The following RIPOR2 variants were observed in gnomAD, a reference collection of about 807,000 sequenced individuals.
RIPOR2 encodes RHO family interacting cell polarization regulator 2.
RIPOR2 carries 39 observed loss-of-function variants against 114.5 expected under a neutral mutation model. That is an observed-to-expected ratio of 0.34 (90% confidence interval 0.26 to 0.44). The LOEUF is 0.44. Among genes scored for constraint, RIPOR2 ranks in the 20% least tolerant of loss-of-function variants. RIPOR2 has a pLI of 1.00. For missense variants in RIPOR2, 1,007 were observed against 1,255.1 expected (o/e 0.80, Z 2.99); for synonymous variants, 445 against 484.4 (o/e 0.92, Z 1.07).
rs181812759 is a variant in RIPOR2, at chr6:24,860,940, C to A, written c.715+33G>T. 5.3e-4 allele frequency: 733 copies of A among 1,386,816 alleles called. 2 individuals carry two copies. The Middle Eastern group carries it at 6.2e-3, about 12-fold the overall frequency. The allele number at this position is 1,386,816 out of a possible 1,614,324, so 85.9% of individuals were successfully genotyped here. A position where few individuals can be genotyped will look rare whatever the true frequency, so the allele number is the denominator to read the frequency against. On this transcript the variant is annotated intron_variant, in intron 8 of 21. Coordinates refer to ENST00000643898, the MANE Select transcript of RIPOR2 (RefSeq NM_001286445.3). Reference sequence around the variant, plus strand: ...GGAGCTCTGCACTCTGCAGAGATGGCTCCTTATTCTCTCTAAACAAGGAAA... The same window carrying A: ...GGAGCTCTGCACTCTGCAGAGATGGATCCTTATTCTCTCTAAACAAGGAAA...
intron 15 of RIPOR2, 37 bp from the exon 16 acceptor site, chr6:24,832,428 T>C (rs1299158786): frequency 6.5e-7 from 1 of 1,547,494 alleles, no homozygotes; most frequent in Non-Finnish European, 8.7e-7. Flanking sequence ...TCAATTATGT[T>C]GTTTTCAGTA....
rs370828933 is a variant in RIPOR2, at chr6:24,995,960, A to G, written c.76+45891T>C. Among the ~76,000 whole-genome samples, 441 of 151,528 alleles carry G rather than the reference A, an allele frequency of 2.9e-3. 4 individuals carry two copies. The highest frequency in any genetic ancestry group is 0.018 in the East Asian group (93 of 5,138). On this transcript the variant is annotated intron_variant, in intron 1 of 13. Coordinates refer to the RIPOR2 transcript ENST00000510784. ...TGGGACTACAGGCGCCCACCACCAC[A>G]CCCGGCTAATTTTTTGTATTTTTAG...
At chr6:24,911,660 G>A (rs1197691510) in intron 1 of RIPOR2, among the ~76,000 whole-genome samples, 3 of 152,120 alleles carry the variant, frequency 2.0e-5, no homozygotes, top group African/African-American at 7.2e-5. Context: ...AATGATAAAG[G>A]TTTCCTGTGG....
chr6:24,987,292 C>G (rs1774571288), intron 1 of RIPOR2, among the ~76,000 whole-genome samples: 1 of 152,194 alleles, frequency 6.6e-6, no homozygotes, highest in South Asian at 2.1e-4. Flanking sequence ...ATGTGACTTA[C>G]ATGCCAGCAA....
chr6:24,884,885 A>G (rs1219398334), intron 1 of RIPOR2, among the ~76,000 whole-genome samples: 2 of 152,220 alleles, frequency 1.3e-5, no homozygotes, highest in Non-Finnish European at 2.9e-5. Context: ...GTGCTTGAGA[A>G]ACCACAGATT....
chr6:24,957,495 G>A (rs540917927), intron 1 of RIPOR2, among the ~76,000 whole-genome samples: 1 of 152,184 alleles, frequency 6.6e-6, no homozygotes, highest in African/African-American at 2.4e-5. Context: ...ATAGGGTTCT[G>A]TGGGCTCTTA....
chr6:24,966,640 T>A (rs1196081621), intron 1 of RIPOR2, among the ~76,000 whole-genome samples: 1 of 152,150 alleles, frequency 6.6e-6, no homozygotes, highest in Non-Finnish European at 1.5e-5. Context: ...AGTCATGTTA[T>A]GTGGGAGGCT....
chr6:24,856,467 C>T (rs1410379941), intron 8 of RIPOR2, among the ~76,000 whole-genome samples: 1 of 152,100 alleles, frequency 6.6e-6, no homozygotes, highest in East Asian at 1.9e-4. Flanking sequence ...AAAACCTCTG[C>T]AAATTGGTCA....
At chr6:25,003,677 C>T (rs1199676685) in intron 1 of RIPOR2, among the ~76,000 whole-genome samples, 1 of 152,116 alleles carries the variant, frequency 6.6e-6, no homozygotes, top group African/African-American at 2.4e-5. Context: ...GCTATCTGCC[C>T]ACCTTGGCCT....
intron 1 of RIPOR2, among the ~76,000 whole-genome samples, chr6:25,012,399 A>T (rs562675045): frequency 6.6e-6 from 1 of 152,338 alleles, no homozygotes; most frequent in Non-Finnish European, 1.5e-5. Flanking sequence ...AAATGAAAAC[A>T]TATATACACA....
At position 25,037,373 on chromosome 6, in the gene RIPOR2, C is replaced by G. The variant is rs549497759; in HGVS notation, c.76+4478G>C. 6.6e-6 allele frequency among the ~76,000 whole-genome samples: 1 copy of G among 152,170 alleles called. No homozygotes were observed. Among genetic ancestry groups the G allele is most frequent in the Non-Finnish European group, 1.5e-5 (1 of 68,028 alleles). On this transcript the variant is annotated intron_variant, in intron 1 of 13. Transcript: ENST00000510784. This position sits in a 1 kb window ranked among gnomAD's most constrained non-coding sequence, Gnocchi z 4.5. ...GGGCATTCAGTTATCTGTGCCCACC[C>G]CTCATTCCCGTGCCCTGCCCTGACC...
chr6:24,843,540 A>G lies in RIPOR2; in HGVS notation c.1179T>C (p.Asp393=). ...KDHSFFSNLP[D]DIFENGKAAE... Reference sequence around the variant, plus strand: ...CTGCCTTTCCATTTTCAAAGATGTCATCAGGTAGATTTGACTATAGATAAA... The same window carrying G: ...CTGCCTTTCCATTTTCAAAGATGTCGTCAGGTAGATTTGACTATAGATAAA... Residue 393 remains aspartate (D), a synonymous_variant, in exon 13 of 22, where the codon GAT becomes GAC. Coordinates refer to ENST00000643898, the MANE Select transcript of RIPOR2 (RefSeq NM_001286445.3). 2.0e-6 allele frequency: 3 copies of G among 1,520,554 alleles called. No individual in the cohort carries two copies. The highest frequency in any genetic ancestry group is 1.8e-6 in the Non-Finnish European group (2 of 1,133,878). The allele number at this position is 1,520,554 out of a possible 1,614,324, so 94.2% of individuals were successfully genotyped here. A position where few individuals can be genotyped will look rare whatever the true frequency, so the allele number is the denominator to read the frequency against.
chr6:24,866,191 C>T (rs919923456), intron 6 of RIPOR2, among the ~76,000 whole-genome samples: 6 of 152,024 alleles, frequency 3.9e-5, no homozygotes, highest in Non-Finnish European at 5.9e-5. Context: ...AACTCTTTTT[C>T]GTGTAAATTA....
At chr6:24,962,501 GA>G (rs1408675492) in intron 1 of RIPOR2, among the ~76,000 whole-genome samples, 23 of 152,096 alleles carry the variant, frequency 1.5e-4, no homozygotes, top group African/African-American at 4.8e-4. Context: ...ACTATGAGAA[GA>G]ATATTCACTC....
intron 1 of RIPOR2, among the ~76,000 whole-genome samples, chr6:25,032,626 G>A (rs967366233): frequency 6.6e-6 from 1 of 152,158 alleles, no homozygotes; most frequent in Non-Finnish European, 1.5e-5. Flanking sequence ...CCAGTTTCCA[G>A]CTGGAAACAG....
rs374439104 is a variant in RIPOR2 at position 24,976,970 on chromosome 6, C to G, written c.76+64881G>C. ...GAAGATCACCATTGCTGACTGTGGACAACTCGAATAAGTTTGACTTGTGTT... is the reference window on the plus strand; with the variant it reads ...GAAGATCACCATTGCTGACTGTGGAGAACTCGAATAAGTTTGACTTGTGTT... On this transcript the variant is annotated intron_variant, in intron 1 of 13. Transcript: ENST00000510784. 2.0e-5 allele frequency: 31 copies of G among 1,546,744 alleles called. No homozygotes were observed. In the South Asian group the frequency reaches 2.2e-4, roughly 11 times the overall value.
intron 1 of RIPOR2, among the ~76,000 whole-genome samples, chr6:24,897,840 C>T (rs1768039533): frequency 6.6e-6 from 1 of 152,032 alleles, no homozygotes; most frequent in Non-Finnish European, 1.5e-5. Context: ...GATCTCGGCT[C>T]ACTGCAACCT....
intron 1 of RIPOR2, among the ~76,000 whole-genome samples, chr6:25,040,784 G>A (rs1443772925): frequency 6.6e-6 from 1 of 151,886 alleles, no homozygotes; most frequent in African/African-American, 2.4e-5. Flanking sequence ...GTAGAGACAG[G>A]GTTTCACCAT....
chr6:24,911,823 T>G (rs544256824), intron 1 of RIPOR2, among the ~76,000 whole-genome samples: 3 of 152,272 alleles, frequency 2.0e-5, no homozygotes, highest in Admixed American at 1.3e-4. Flanking sequence ...TGCCTCAGTC[T>G]CCTCATCTGT....
Sources: allele counts gnomAD v4.1 joint callset (sites outside exome capture counted in the v4.1 genomes callset), GRCh38; gene constraint gnomAD v4.1.1; non-coding constraint Gnocchi (gnomAD v3.1); transcripts MANE v1.5; gene names NCBI Gene and HGNC (gene_info 2026-07-23, HGNC 2026-07-21).